The following SYN2 variants were observed in gnomAD, a reference collection of about 807,000 sequenced individuals.
SYN2 encodes the protein synapsin-2.
In SYN2, 19 loss-of-function variants were observed where a neutral mutation model predicts 50.9. The ratio of observed to expected loss-of-function variants is 0.37; its 90% CI spans 0.26 to 0.55. The LOEUF (loss-of-function observed/expected upper bound fraction) is 0.55. SYN2 is among the 20% of genes least tolerant of loss of function. The pLI, the probability that SYN2 is intolerant of heterozygous loss-of-function variation, is 0.81. For synonymous variants in SYN2, 255 were observed against 224.9 expected (o/e 1.13, Z -1.20); for missense variants, 587 against 576.4 (o/e 1.02, Z -0.19).
chr3:12,049,985 C>T (rs1177732803), intron 1 of SYN2, among the ~76,000 whole-genome samples: 1 of 152,026 alleles, frequency 6.6e-6, no homozygotes, highest in African/African-American at 2.4e-5. Flanking sequence ...CTGCAACCTC[C>T]ACCTCCAGGA....
At chr3:12,112,091 T>C (rs1204147436) in intron 1 of SYN2, among the ~76,000 whole-genome samples, 2 of 152,138 alleles carry the variant, frequency 1.3e-5, no homozygotes, top group Non-Finnish European at 2.9e-5. Flanking sequence ...GGGAGCAGTG[T>C]TTGTCACTGA....
intron 5 of SYN2, among the ~76,000 whole-genome samples, chr3:12,157,653 T>A (rs544605164): frequency 1.2e-3 from 180 of 152,270 alleles, no homozygotes; most frequent in Non-Finnish European, 7.8e-4. Context: ...ACACCTCCCC[T>A]GCAGTCACTG....
chr3:12,173,962 T>C (rs1015473837), intron 10 of SYN2, among the ~76,000 whole-genome samples: 2 of 152,192 alleles, frequency 1.3e-5, no homozygotes, highest in South Asian at 2.1e-4. Context: ...TTTGTTCTTA[T>C]CTTACAGACT....
chr3:12,105,096 G>A (rs1696157510), intron 1 of SYN2, among the ~76,000 whole-genome samples: 1 of 152,098 alleles, frequency 6.6e-6, no homozygotes, highest in African/African-American at 2.4e-5. Context: ...AGAGGGAACT[G>A]CCTGTGTCTT....
At chr3:12,158,209 A>C (rs1200471376) in intron 5 of SYN2, among the ~76,000 whole-genome samples, 1 of 152,168 alleles carries the variant, frequency 6.6e-6, no homozygotes, top group African/African-American at 2.4e-5. Context: ...TTGAAGGATG[A>C]GTAGGAGTCT....
chr3:12,034,426 TTA>T (rs1385575681), intron 1 of SYN2, among the ~76,000 whole-genome samples: 1 of 152,240 alleles, frequency 6.6e-6, no homozygotes, highest in African/African-American at 2.4e-5. Context: ...TAAGCATTCT[TTA>T]TATGTTCTAG....
At chr3:12,100,834 T>C (rs1696057766) in intron 1 of SYN2, among the ~76,000 whole-genome samples, 1 of 152,032 alleles carries the variant, frequency 6.6e-6, no homozygotes, top group South Asian at 2.1e-4. Context: ...CTAAAGAACT[T>C]GTACAAATGG....
At position 12,134,446 on chromosome 3, in the gene SYN2, A is replaced by G. The variant is rs2125211822; in HGVS notation, c.378-6205A>G. 1.3e-5 allele frequency among the ~76,000 whole-genome samples: 2 copies of G among 152,332 alleles called. 1 individual carries two copies. Among genetic ancestry groups the G allele is most frequent in the Admixed American group, 1.3e-4 (2 of 15,304 alleles). On this transcript the variant is annotated intron_variant, in intron 1 of 12. Transcript: ENST00000621198. Reference sequence around the variant, plus strand: ...AGTGTGCTGGGCCCCTGTAGTGCCCAGAGCCTCACCCAAGCTTCTGTGCGT... The same window carrying G: ...AGTGTGCTGGGCCCCTGTAGTGCCCGGAGCCTCACCCAAGCTTCTGTGCGT...
At chr3:12,017,515 G>A (rs1408305929) in intron 1 of SYN2, among the ~76,000 whole-genome samples, 1 of 152,064 alleles carries the variant, frequency 6.6e-6, no homozygotes, top group Non-Finnish European at 1.5e-5. Context: ...GAACACCTTG[G>A]TATTTCTTTT....
intron 1 of SYN2, among the ~76,000 whole-genome samples, chr3:12,114,793 C>G (rs56810507): frequency 0.079 from 12,041 of 152,208 alleles, 584 homozygotes; most frequent in African/African-American, 0.13. Flanking sequence ...TCCCCACCTT[C>G]TCCACAGCTT....
At chr3:12,104,894 A>G (rs1321564788) in intron 1 of SYN2, among the ~76,000 whole-genome samples, 1 of 152,198 alleles carries the variant, frequency 6.6e-6, no homozygotes, top group Non-Finnish European at 1.5e-5. Context: ...TCAAAACAAA[A>G]TAACAAAACT....
intron 1 of SYN2, among the ~76,000 whole-genome samples, chr3:12,074,944 A>G (rs1351645558): frequency 6.6e-6 from 1 of 152,164 alleles, no homozygotes; most frequent in African/African-American, 2.4e-5. Flanking sequence ...CTGTTTTGTT[A>G]AAGTAATTTA....
intron 12 of SYN2, among the ~76,000 whole-genome samples, chr3:12,189,840 T>C (rs1559461928): frequency 6.6e-6 from 1 of 151,934 alleles, no homozygotes; most frequent in South Asian, 2.1e-4. Flanking sequence ...AACAGGGAAA[T>C]TGAAGTGTTA....
chr3:12,008,536 A>G (rs1453474129), intron 1 of SYN2, among the ~76,000 whole-genome samples: 1 of 152,238 alleles, frequency 6.6e-6, no homozygotes, highest in Non-Finnish European at 1.5e-5. Context: ...CAGAATTTGC[A>G]TTTGAATAAG....
At chr3:12,153,100 T>C (rs548280901) in intron 5 of SYN2, 36 of 251,266 alleles carry the variant, frequency 1.4e-4, no homozygotes, top group African/African-American at 6.5e-4. Context: ...TCAGCCTGTT[T>C]ATGATGCTGT....
chr3:12,129,856 G>A (rs1458475029), intron 1 of SYN2, among the ~76,000 whole-genome samples: 1 of 152,108 alleles, frequency 6.6e-6, no homozygotes, highest in East Asian at 1.9e-4. Flanking sequence ...ATGGTATTTG[G>A]AGGTGGGGCC....
intron 1 of SYN2, among the ~76,000 whole-genome samples, chr3:12,010,494 C>T (rs949166213): frequency 1.1e-4 from 17 of 152,174 alleles, no homozygotes; most frequent in Non-Finnish European, 1.9e-4. Context: ...GCATAGGATG[C>T]TATGGGAACA....
chr3:12,011,172 T>C (rs1046135951), intron 1 of SYN2, among the ~76,000 whole-genome samples: 12 of 152,238 alleles, frequency 7.9e-5, no homozygotes, highest in African/African-American at 2.4e-4. Context: ...TTTTTGTAAA[T>C]TGAATAATTT....
intron 1 of SYN2, chr3:12,070,758 C>T (rs762450788): frequency 1.1e-5 from 8 of 716,652 alleles, no homozygotes; most frequent in East Asian, 4.2e-5. Context: ...TCCCCCATGC[C>T]GTCCTGCATC....
Sources: gnomAD v4.1 joint callset for allele counts (sites outside exome capture counted in the v4.1 genomes callset) on GRCh38, gnomAD v4.1.1 for gene constraint, MANE v1.5 for transcripts, NCBI Gene and HGNC (gene_info 2026-07-23, HGNC 2026-07-21) for gene names.